The following NKAIN3 variants were observed in gnomAD, a reference collection of about 807,000 sequenced individuals.
NKAIN3 encodes sodium/potassium transporting ATPase interacting 3, also known as sodium/potassium-transporting ATPase subunit beta-1-interacting protein 3.
A neutral mutation model predicts 30.2 loss-of-function variants in NKAIN3; 25 were observed. That is an observed-to-expected ratio of 0.83 (90% CI 0.60 to 1.16). The LOEUF (loss-of-function observed/expected upper bound fraction) is 1.16. Ranked by LOEUF, NKAIN3 falls within the 50% of genes most tolerant of loss-of-function variation. The pLI is 0.00. For synonymous variants in NKAIN3, 91 were observed against 89.6 expected (o/e 1.02, Z -0.09); for missense variants, 225 against 254.1 (o/e 0.89, Z 0.78).
At chr8:62,415,040 T>C (rs1804385627) in intron 1 of NKAIN3, among the ~76,000 whole-genome samples, 1 of 19,432 alleles carries the variant, frequency 5.1e-5, no homozygotes, top group Non-Finnish European at 2.1e-4. Flanking sequence ...TTAGAAATAT[T>C]ATATATATAT....
At chr8:62,292,424 A>C (rs1355116556) in intron 1 of NKAIN3, among the ~76,000 whole-genome samples, 2 of 152,164 alleles carry the variant, frequency 1.3e-5, no homozygotes, top group African/African-American at 4.8e-5. Flanking sequence ...CTTGTAAGGC[A>C]GGCCTGATGG....
chr8:62,441,181 A>C (rs940019974), intron 1 of NKAIN3, among the ~76,000 whole-genome samples: 1 of 152,116 alleles, frequency 6.6e-6, no homozygotes, highest in Non-Finnish European at 1.5e-5. Context: ...ATTATTTTTA[A>C]AGAAGTAGGA....
chr8:62,880,690 C>A (rs1252702808), intron 4 of NKAIN3, among the ~76,000 whole-genome samples: 1 of 152,202 alleles, frequency 6.6e-6, no homozygotes, highest in Non-Finnish European at 1.5e-5. Context: ...AAAGACAACA[C>A]AGGACATAGA....
rs144530915 is a variant in NKAIN3, at chr8:62,791,817, G to C, written c.471+44688G>C. Among the ~76,000 whole-genome samples the C allele has an allele frequency of 7.7e-4, 117 of 152,038 alleles. 1 individual carries two copies. Among genetic ancestry groups the C allele is most frequent in the African/African-American group, 2.5e-3 (103 of 41,480 alleles). On this transcript the variant is annotated intron_variant, in intron 4 of 6. Coordinates refer to ENST00000623646, the MANE Select transcript of NKAIN3 (RefSeq NM_001304533.3). ...AATTAACAGCACTACCTTACCAAAGGACCCAGAAGTAAACATTATTGAATA... is the reference window on the plus strand; with the variant it reads ...AATTAACAGCACTACCTTACCAAAGCACCCAGAAGTAAACATTATTGAATA...
chr8:62,520,972 A>T (rs1304788863), intron 1 of NKAIN3, among the ~76,000 whole-genome samples: 1 of 151,516 alleles, frequency 6.6e-6, no homozygotes, highest in African/African-American at 2.4e-5. Context: ...TGCATGGCAT[A>T]AGAATCGTTA....
intron 4 of NKAIN3, among the ~76,000 whole-genome samples, chr8:62,884,160 T>C (rs1179649932): frequency 6.6e-6 from 1 of 152,236 alleles, no homozygotes; most frequent in Admixed American, 6.5e-5. Flanking sequence ...TCTTCTCTTG[T>C]AATGTCTTTG....
At chr8:62,432,636 T>C (rs771231355) in intron 1 of NKAIN3, among the ~76,000 whole-genome samples, 1 of 152,110 alleles carries the variant, frequency 6.6e-6, no homozygotes. Context: ...TAAAGTGTAA[T>C]GTGCTATGGA....
intron 1 of NKAIN3, among the ~76,000 whole-genome samples, chr8:62,523,555 A>G (rs1042812659): frequency 6.6e-6 from 1 of 152,150 alleles, no homozygotes; most frequent in Admixed American, 6.6e-5. Flanking sequence ...TAATTAAATA[A>G]CCCACTGGGT....
Position 62,974,654 on chromosome 8 carries a change from T to G in NKAIN3, c.*9247T>G, listed in dbSNP as rs1435463895. ...TCTTCCTATTCGAATACGCTTTATTTCATTCTCTTGCCTGTTTGCCCTGGC... is the reference window on the plus strand; with the variant it reads ...TCTTCCTATTCGAATACGCTTTATTGCATTCTCTTGCCTGTTTGCCCTGGC... On this transcript the variant is annotated 3_prime_UTR_variant, in exon 7 of 7. Coordinates refer to ENST00000623646, the MANE Select transcript of NKAIN3 (RefSeq NM_001304533.3). Among the ~76,000 whole-genome samples the G allele has an allele frequency of 6.6e-6, 1 of 152,206 alleles. No homozygotes were observed. Among genetic ancestry groups the G allele is most frequent in the Non-Finnish European group, 1.5e-5 (1 of 68,036 alleles).
chr8:62,651,188 A>T (rs1305288022), intron 3 of NKAIN3, among the ~76,000 whole-genome samples: 1 of 151,850 alleles, frequency 6.6e-6, no homozygotes, highest in East Asian at 1.9e-4. Flanking sequence ...GAAAAGTGCA[A>T]TTTTTTACAG....
intron 1 of NKAIN3, among the ~76,000 whole-genome samples, chr8:62,577,347 G>C (rs906146760): frequency 6.6e-6 from 1 of 151,796 alleles, no homozygotes; most frequent in Non-Finnish European, 1.5e-5. Flanking sequence ...TATCATAAAA[G>C]AGAATGTTAT....
intron 2 of NKAIN3, among the ~76,000 whole-genome samples, chr8:62,581,811 T>C: frequency 2.5e-5 from 1 of 39,926 alleles, no homozygotes; most frequent in Non-Finnish European, 5.9e-5. Context: ...CTCCCTCCCT[T>C]CCTTCTTTAC....
chr8:62,277,861 A>T (rs1813018373), intron 1 of NKAIN3, among the ~76,000 whole-genome samples: 1 of 152,202 alleles, frequency 6.6e-6, no homozygotes, highest in African/African-American at 2.4e-5. Flanking sequence ...TAGATGAGGC[A>T]GTAGTTTTCA....
chr8:62,760,878 T>C (rs1424425439), intron 4 of NKAIN3, among the ~76,000 whole-genome samples: 2 of 152,066 alleles, frequency 1.3e-5, no homozygotes, highest in Non-Finnish European at 2.9e-5. Flanking sequence ...GTCAAAGAAT[T>C]ATTCCTGGCA....
Position 62,969,217 on chromosome 8 carries a change from G to A in NKAIN3, c.*3810G>A, listed in dbSNP as rs934659922. Among the ~76,000 whole-genome samples the A allele has an allele frequency of 6.6e-6, 1 of 152,296 alleles. No individual in the cohort carries two copies. Among genetic ancestry groups the A allele is most frequent in the African/African-American group, 2.4e-5 (1 of 41,576 alleles). The stretch of plus-strand genomic sequence containing the variant: ...CTGTTATTCCTATAGACCTAAATAA[G>A]GGAGGCAGCCAGTTTCAAGAGGCTG... On this transcript the variant is annotated 3_prime_UTR_variant, in exon 7 of 7. Coordinates refer to ENST00000623646, the MANE Select transcript of NKAIN3 (RefSeq NM_001304533.3).
chr8:62,689,633 C>A (rs1047442333), intron 3 of NKAIN3, among the ~76,000 whole-genome samples: 1 of 152,150 alleles, frequency 6.6e-6, no homozygotes, highest in Non-Finnish European at 1.5e-5. Context: ...TAAAATAAAT[C>A]TCCTTGGAGT....
At chr8:62,321,962 T>C (rs761660741) in intron 1 of NKAIN3, among the ~76,000 whole-genome samples, 10 of 152,182 alleles carry the variant, frequency 6.6e-5, no homozygotes, top group Non-Finnish European at 1.3e-4. Flanking sequence ...CTCCTTGAGC[T>C]GCGGTGGGCT....
At chr8:62,874,046 G>T (rs1820723103) in intron 4 of NKAIN3, among the ~76,000 whole-genome samples, 1 of 151,994 alleles carries the variant, frequency 6.6e-6, no homozygotes, top group Non-Finnish European at 1.5e-5. Flanking sequence ...GAATTCAGGA[G>T]CTGGTTTTTT....
At chr8:62,692,590 T>C (rs1443400097) in intron 3 of NKAIN3, among the ~76,000 whole-genome samples, 1 of 115,678 alleles carries the variant, frequency 8.6e-6, no homozygotes, top group Non-Finnish European at 1.6e-5. Flanking sequence ...CATTGATCAC[T>C]GATCCCCATT....
Sources: gnomAD v4.1 joint callset for allele counts (sites outside exome capture counted in the v4.1 genomes callset) on GRCh38, gnomAD v4.1.1 for gene constraint, MANE v1.5 for transcripts, NCBI Gene and HGNC (gene_info 2026-07-23, HGNC 2026-07-21) for gene names.